PDE4D: variants seen among roughly 807,000 people sequenced by gnomAD.
PDE4D encodes phosphodiesterase 4D, also known as 3',5'-cyclic-AMP phosphodiesterase 4D.
PDE4D carries 24 observed loss-of-function variants against 87.4 expected under a neutral mutation model. The ratio of observed to expected loss-of-function variants is 0.27; its 90% CI spans 0.20 to 0.39. The LOEUF is 0.39. Among genes scored for constraint, PDE4D ranks in the 10% least tolerant of loss-of-function variants. The pLI is 1.00. For missense variants in PDE4D, 714 were observed against 1,041.0 expected (o/e 0.69, Z 4.32); for synonymous variants, 384 against 383.2 (o/e 1.00, Z -0.02).
At chr5:60,170,660 A>T (rs1186570490) in intron 2 of PDE4D, among the ~76,000 whole-genome samples, 1 of 152,016 alleles carries the variant, frequency 6.6e-6, no homozygotes, top group Non-Finnish European at 1.5e-5. Flanking sequence ...TGATTAGAGC[A>T]TTAAAGTGAT....
rs1164928774 is a variant in PDE4D at position 58,971,321 on chromosome 5, G to C, written c.*3343C>G. 1.3e-5 allele frequency: 2 copies of C among 152,436 alleles called. No individual in the cohort carries two copies. The highest frequency in any genetic ancestry group is 2.9e-5 in the Non-Finnish European group (2 of 67,988). The allele number at this position is 152,436 out of a possible 1,614,324, so 9.4% of individuals were successfully genotyped here. ...AAGGTGACAAGACTATATTACAGGA[G>C]AAAAGAAAAATGTACAGAGTATGTA... On this transcript the variant is annotated 3_prime_UTR_variant, in exon 15 of 15. Transcript: ENST00000340635.
intron 1 of PDE4D, among the ~76,000 whole-genome samples, chr5:60,431,761 G>A (rs557678766): frequency 1.2e-4 from 19 of 152,314 alleles, no homozygotes; most frequent in East Asian, 5.8e-4. Flanking sequence ...AGATCACACC[G>A]CTGCACTCCA....
intron 1 of PDE4D, among the ~76,000 whole-genome samples, chr5:59,366,742 C>A (rs907034540): frequency 1.2e-4 from 18 of 151,948 alleles, no homozygotes; most frequent in Admixed American, 7.9e-4. Context: ...CCTTGTTTGT[C>A]ATGAACAAGA....
chr5:59,953,453 T>C (rs1561904004), intron 3 of PDE4D, among the ~76,000 whole-genome samples: 1 of 152,188 alleles, frequency 6.6e-6, no homozygotes, highest in Non-Finnish European at 1.5e-5. Flanking sequence ...ATAATGATTT[T>C]ACTGGAGCCA....
intron 2 of PDE4D, among the ~76,000 whole-genome samples, chr5:60,057,580 T>C (rs1770917358): frequency 6.6e-6 from 1 of 151,948 alleles, no homozygotes; most frequent in Admixed American, 6.6e-5. Flanking sequence ...TATTTTTTTA[T>C]TTTGATGCTG....
intron 3 of PDE4D, among the ~76,000 whole-genome samples, chr5:59,931,694 CT>C (rs35943138): frequency 0.017 from 2,160 of 126,544 alleles, 28 homozygotes; most frequent in African/African-American, 0.056. Flanking sequence ...TCTTCTTCTT[CT>C]TTTTTTTTTT....
At chr5:60,421,150 C>CA (rs1743059150) in intron 1 of PDE4D, among the ~76,000 whole-genome samples, 1 of 152,228 alleles carries the variant, frequency 6.6e-6, no homozygotes. Flanking sequence ...CAGACTTAAA[C>CA]ATCCCTGTCT....
chr5:59,190,359 T>A (rs994114052), intron 3 of PDE4D, among the ~76,000 whole-genome samples: 6 of 152,218 alleles, frequency 3.9e-5, no homozygotes, highest in Non-Finnish European at 8.8e-5. Context: ...TCTAAACTTT[T>A]ATGCAAAAAG....
chr5:59,285,593 C>G (rs1356402801), intron 1 of PDE4D, among the ~76,000 whole-genome samples: 1 of 152,108 alleles, frequency 6.6e-6, no homozygotes, highest in Admixed American at 6.6e-5. Context: ...TATGCAGGCA[C>G]TGAACCAACG....
chr5:59,304,886 G>A (rs1027800745), intron 1 of PDE4D, among the ~76,000 whole-genome samples: 3 of 152,190 alleles, frequency 2.0e-5, no homozygotes, highest in South Asian at 4.1e-4. Flanking sequence ...TCCTGGTTTT[G>A]GTACTAGGGT....
intron 1 of PDE4D, among the ~76,000 whole-genome samples, chr5:59,492,036 T>G (rs1806304851): frequency 6.6e-6 from 1 of 152,158 alleles, no homozygotes; most frequent in Non-Finnish European, 1.5e-5. Context: ...GAGAGAGAAA[T>G]CTACTGCACA....
At chr5:59,012,472 T>C (rs1426422182) in intron 6 of PDE4D, among the ~76,000 whole-genome samples, 3 of 151,086 alleles carry the variant, frequency 2.0e-5, no homozygotes, top group East Asian at 3.9e-4. Flanking sequence ...ACCAAGCAAA[T>C]AGAAAACAAA....
At chr5:59,884,771 A>C (rs1035515123) in intron 1 of PDE4D, among the ~76,000 whole-genome samples, 2 of 152,058 alleles carry the variant, frequency 1.3e-5, no homozygotes, top group African/African-American at 4.8e-5. Context: ...TTGTTCACTG[A>C]AAATGTACAT....
chr5:60,403,040 C>T (rs1011135379), intron 1 of PDE4D, among the ~76,000 whole-genome samples: 4 of 152,112 alleles, frequency 2.6e-5, no homozygotes, highest in African/African-American at 9.7e-5. Context: ...TAGTCTAATC[C>T]TCCATTTAAT....
chr5:60,160,769 CT>C, intron 2 of PDE4D: 2 of 447,196 alleles, frequency 4.5e-6, no homozygotes, highest in Non-Finnish European at 4.5e-6. Context: ...CTTCTCTCAC[CT>C]TTTCCCTAGT....
intron 1 of PDE4D, among the ~76,000 whole-genome samples, chr5:59,810,937 T>C (rs992436950): frequency 6.6e-6 from 1 of 152,198 alleles, no homozygotes. Flanking sequence ...TCACTTATCA[T>C]GTGGGCTTCT....
intron 1 of PDE4D, among the ~76,000 whole-genome samples, chr5:59,516,861 T>C (rs1247415658): frequency 3.3e-5 from 5 of 152,136 alleles, no homozygotes; most frequent in Admixed American, 2.0e-4. Flanking sequence ...CGAGAGCTTT[T>C]ATAAACTACA....
chr5:59,039,656 C>G, intron 5 of PDE4D: 1 of 331,808 alleles, frequency 3.0e-6, no homozygotes, highest in Non-Finnish European at 4.3e-6. Flanking sequence ...GAAAAGATTC[C>G]GAATTGCAAA....
chr5:60,407,066 G>C (rs1027054464), intron 1 of PDE4D, among the ~76,000 whole-genome samples: 1 of 152,156 alleles, frequency 6.6e-6, no homozygotes, highest in Non-Finnish European at 1.5e-5. Context: ...CGGAAAAAGC[G>C]GAGGCCAAGC....
Sources: gnomAD v4.1 joint callset for allele counts (sites outside exome capture counted in the v4.1 genomes callset) on GRCh38, gnomAD v4.1.1 for gene constraint, MANE v1.5 for transcripts, NCBI Gene and HGNC (gene_info 2026-07-23, HGNC 2026-07-21) for gene names.